The following HIKESHI variants were observed in gnomAD, a reference collection of about 807,000 sequenced individuals.
The protein encoded by HIKESHI is heat shock protein nuclear import factor hikeshi, also known as protein Hikeshi.
Under a neutral mutation model 25.7 loss-of-function variants are expected in HIKESHI, and 13 were observed. The ratio of observed to expected loss-of-function variants is 0.51; its 90% CI spans 0.33 to 0.80. HIKESHI has a LOEUF of 0.80. Ranked by LOEUF, HIKESHI falls within the 30% of genes least tolerant of loss-of-function variation. The pLI is 0.02. For missense variants in HIKESHI, 174 were observed against 229.5 expected (o/e 0.76, Z 1.56); for synonymous variants, 76 against 78.7 (o/e 0.97, Z 0.18).
At chr11:86,343,487 T>C (rs1947788850) in intron 3 of HIKESHI, 1 of 151,972 alleles carries the variant, frequency 6.6e-6, no homozygotes, top group Admixed American at 6.6e-5. Flanking sequence ...GATAAAAAAT[T>C]ACCCAGGCAT....
chr11:86,303,316 C>G, intron 1 of HIKESHI: 1 of 717,916 alleles, frequency 1.4e-6, no homozygotes, highest in Non-Finnish European at 1.7e-6. Context: ...CTTTTTTTCC[C>G]ATCAAGTTTT....
At chr11:86,322,995 G>T (rs538532002) in intron 2 of HIKESHI, among the ~76,000 whole-genome samples, 3 of 152,188 alleles carry the variant, frequency 2.0e-5, no homozygotes, top group African/African-American at 7.2e-5. Flanking sequence ...TAGGGAGGCC[G>T]GGGCAGGTGG....
rs1204507416 is a variant in HIKESHI, at chr11:86,318,324, T to A, written c.268+11842T>A. On this transcript the variant is annotated intron_variant, in intron 2 of 4. Coordinates refer to ENST00000278483, the MANE Select transcript of HIKESHI (RefSeq NM_016401.4). Reference sequence around the variant, plus strand: ...GTCTCAAAAAAAAAAAAAAAAAAAATCCTGAATAGATGTAATATCAATAAA... The same window carrying A: ...GTCTCAAAAAAAAAAAAAAAAAAAAACCTGAATAGATGTAATATCAATAAA... Among the ~76,000 whole-genome samples the A allele has an allele frequency of 1.1e-3, 80 of 72,486 alleles. 1 individual carries two copies. Among genetic ancestry groups the A allele is most frequent in the Admixed American group, 1.5e-3 (10 of 6,848 alleles). The allele number at this position is 72,486 out of a possible 152,430, so 47.6% of individuals were successfully genotyped here.
chr11:86,313,485 G>C (rs1015718394), intron 2 of HIKESHI, among the ~76,000 whole-genome samples: 1 of 152,164 alleles, frequency 6.6e-6, no homozygotes, highest in Non-Finnish European at 1.5e-5. Flanking sequence ...ACCCACCTCA[G>C]CCTCCCAAAG....
chr11:86,322,599 T>C (rs1014217119), intron 2 of HIKESHI, among the ~76,000 whole-genome samples: 1 of 152,162 alleles, frequency 6.6e-6, no homozygotes, highest in Non-Finnish European at 1.5e-5. Context: ...GTGTTTTTTG[T>C]AGAGAAGTTT....
At chr11:86,329,304 G>T (rs1314765203) in intron 2 of HIKESHI, among the ~76,000 whole-genome samples, 1 of 151,742 alleles carries the variant, frequency 6.6e-6, no homozygotes, top group Non-Finnish European at 1.5e-5. Context: ...GCTGTGGTTT[G>T]ATTACCCATT....
At chr11:86,308,077 G>A (rs539670292) in intron 2 of HIKESHI, among the ~76,000 whole-genome samples, 140 of 120,962 alleles carry the variant, frequency 1.2e-3, no homozygotes, top group African/African-American at 3.5e-3. Flanking sequence ...TGTATATTAC[G>A]TAAAATATAC....
In HIKESHI at chr11:86,321,278, G is replaced by A. The variant is rs555439162; in HGVS notation, c.268+14796G>A. Reference sequence around the variant, plus strand: ...GGTGTTCATTCCTTTTTATTGCTGGGTAGTATTCCATTGTATGGATATGCC... The same window carrying A: ...GGTGTTCATTCCTTTTTATTGCTGGATAGTATTCCATTGTATGGATATGCC... On this transcript the variant is annotated intron_variant, in intron 2 of 4. Coordinates refer to ENST00000278483, the MANE Select transcript of HIKESHI (RefSeq NM_016401.4). Among the ~76,000 whole-genome samples, 32 of 152,054 alleles carry A rather than the reference G, an allele frequency of 2.1e-4. No individual in the cohort carries two copies. The East Asian group carries it at 5.0e-3, about 24-fold the overall frequency.
intron 2 of HIKESHI, among the ~76,000 whole-genome samples, chr11:86,333,605 A>C (rs1021226938): frequency 1.3e-5 from 2 of 152,080 alleles, no homozygotes; most frequent in African/African-American, 4.8e-5. Context: ...GTCATTTAAG[A>C]AGAAGGAATT....
chr11:86,313,243 A>G (rs1304090159), intron 2 of HIKESHI, among the ~76,000 whole-genome samples: 1 of 152,016 alleles, frequency 6.6e-6, no homozygotes, highest in African/African-American at 2.4e-5. Context: ...TATTTTATTT[A>G]TTTTTGAGAT....
At chr11:86,333,754 G>A (rs1170330426) in intron 2 of HIKESHI, among the ~76,000 whole-genome samples, 2 of 152,020 alleles carry the variant, frequency 1.3e-5, no homozygotes, top group African/African-American at 4.8e-5. Flanking sequence ...GTATAGAGAA[G>A]TGATTGGAAG....
At chr11:86,302,506 A>G in intron 1 of HIKESHI, 28 bp downstream of exon 1, 1 of 1,555,768 alleles carries the variant, frequency 6.4e-7, no homozygotes, top group Non-Finnish European at 8.7e-7. Flanking sequence ...TGATATCAGG[A>G]AGGGGTCAGG....
intron 2 of HIKESHI, among the ~76,000 whole-genome samples, chr11:86,309,568 A>T (rs1178932443): frequency 1.3e-5 from 2 of 152,048 alleles, no homozygotes; most frequent in African/African-American, 4.8e-5. Flanking sequence ...GAAGTTCTTT[A>T]GTTTAATTAG....
chr11:86,334,828 TG>T (rs1947509701), intron 2 of HIKESHI, among the ~76,000 whole-genome samples: 1 of 152,162 alleles, frequency 6.6e-6, no homozygotes, highest in African/African-American at 2.4e-5. Context: ...TTTGTAGAGA[TG>T]GGGTCTCCCC....
chr11:86,325,103 A>C (rs181851816), intron 2 of HIKESHI, among the ~76,000 whole-genome samples: 135 of 152,104 alleles, frequency 8.9e-4, no homozygotes, highest in African/African-American at 3.2e-3. Context: ...ACTTGAGCCT[A>C]GGAGGATGAA....
At chr11:86,326,354 A>G (rs2138368576) in intron 2 of HIKESHI, among the ~76,000 whole-genome samples, 1 of 152,322 alleles carries the variant, frequency 6.6e-6, no homozygotes, top group Admixed American at 6.5e-5. Flanking sequence ...TGCAGGTACT[A>G]TAATATGTGT....
chr11:86,318,213 A>C (rs112389901), intron 2 of HIKESHI, among the ~76,000 whole-genome samples: 5 of 147,142 alleles, frequency 3.4e-5, no homozygotes, highest in African/African-American at 1.3e-4. Context: ...CTGAGGCAGG[A>C]GAATGGCGTG....
At chr11:86,343,114 T>C (rs536633026) in intron 3 of HIKESHI, among the ~76,000 whole-genome samples, 1 of 152,330 alleles carries the variant, frequency 6.6e-6, no homozygotes, top group South Asian at 2.1e-4. Flanking sequence ...GAAAATGGTA[T>C]ATATAGGTCC....
chr11:86,320,410 T>TACTAAAAACACAA (rs1355386461), intron 2 of HIKESHI, among the ~76,000 whole-genome samples: 1 of 152,188 alleles, frequency 6.6e-6, no homozygotes, highest in Non-Finnish European at 1.5e-5. Flanking sequence ...AAACCCTGTC[T>TACTAAAAACACAA]ACTAAAAACA....
Sources: allele counts gnomAD v4.1 joint callset (sites outside exome capture counted in the v4.1 genomes callset), GRCh38; gene constraint gnomAD v4.1.1; transcripts MANE v1.5; gene names NCBI Gene and HGNC (gene_info 2026-07-23, HGNC 2026-07-21).